Variants in GPR158 observed in about 807,000 individuals in gnomAD.
The protein encoded by GPR158 is metabotropic glycine receptor.
Under a neutral mutation model 78.2 loss-of-function variants are expected in GPR158, and 30 were observed. That is an observed-to-expected ratio of 0.38 (90% CI 0.29 to 0.52). The LOEUF (loss-of-function observed/expected upper bound fraction) is 0.52. GPR158 is among the 20% of genes least tolerant of loss of function. GPR158 has a pLI of 0.83. For synonymous variants in GPR158, 581 were observed against 591.1 expected (o/e 0.98, Z 0.25); for missense variants, 1,463 against 1,523.5 (o/e 0.96, Z 0.66).
intron 2 of GPR158, among the ~76,000 whole-genome samples, chr10:25,377,020 C>G (rs535031835): frequency 6.6e-6 from 1 of 151,526 alleles, no homozygotes; most frequent in Non-Finnish European, 1.5e-5. Context: ...GTGTTATTTT[C>G]TTTGTATTAA....
intron 2 of GPR158, among the ~76,000 whole-genome samples, chr10:25,288,734 A>C (rs77344681): frequency 0.012 from 1,832 of 152,282 alleles, 27 homozygotes; most frequent in South Asian, 0.058. Flanking sequence ...TTTCTATCAA[A>C]AGGCTTTTTC....
chr10:25,314,840 C>CACTGTCATATAT (rs60100862), intron 2 of GPR158, among the ~76,000 whole-genome samples: 1 of 124,174 alleles, frequency 8.1e-6, no homozygotes, highest in East Asian at 2.2e-4. Flanking sequence ...TACATATACA[C>CACTGTCATATAT]GTATATACAT....
intron 6 of GPR158, among the ~76,000 whole-genome samples, chr10:25,569,872 T>C (rs1836981478): frequency 6.6e-6 from 1 of 152,236 alleles, no homozygotes; most frequent in African/African-American, 2.4e-5. Context: ...AAAAAAATTA[T>C]ATCTTATACC....
chr10:25,211,016 C>T (rs945854723), intron 1 of GPR158, among the ~76,000 whole-genome samples: 10 of 152,092 alleles, frequency 6.6e-5, no homozygotes, highest in Admixed American at 2.0e-4. Flanking sequence ...CCTGTAGTCC[C>T]AGCTACTCGG....
At chr10:25,263,280 G>A (rs1490961333) in intron 2 of GPR158, among the ~76,000 whole-genome samples, 1 of 152,062 alleles carries the variant, frequency 6.6e-6, no homozygotes, top group Non-Finnish European at 1.5e-5. Flanking sequence ...ACCGTTTTTT[G>A]AAAAGCCTGC....
At chr10:25,536,572 G>C (rs1836503809) in intron 5 of GPR158, among the ~76,000 whole-genome samples, 1 of 152,096 alleles carries the variant, frequency 6.6e-6, no homozygotes, top group African/African-American at 2.4e-5. Context: ...GTAAATCATT[G>C]ATCATATTCA....
intron 2 of GPR158, among the ~76,000 whole-genome samples, chr10:25,290,349 A>G (rs1400844345): frequency 6.6e-6 from 1 of 152,154 alleles, no homozygotes; most frequent in African/African-American, 2.4e-5. Flanking sequence ...TTGCTTTCAG[A>G]GGTTAGTATT....
intron 2 of GPR158, among the ~76,000 whole-genome samples, chr10:25,261,741 C>T (rs1853971517): frequency 6.6e-6 from 1 of 152,106 alleles, no homozygotes; most frequent in South Asian, 2.1e-4. Flanking sequence ...GTAAAATGAT[C>T]TACGCTTTTA....
chr10:25,461,522 C>T (rs975165213), intron 4 of GPR158, among the ~76,000 whole-genome samples: 1 of 152,134 alleles, frequency 6.6e-6, no homozygotes, highest in Admixed American at 6.6e-5. Context: ...AAGTTAGAAG[C>T]TAGCAGTGGT....
intron 2 of GPR158, among the ~76,000 whole-genome samples, chr10:25,319,118 G>C (rs1854906916): frequency 6.6e-6 from 1 of 152,154 alleles, no homozygotes; most frequent in African/African-American, 2.4e-5. Flanking sequence ...TTGTGCACCA[G>C]GGTCTCTGGG....
At chr10:25,573,493 G>A (rs184396042) in intron 7 of GPR158, among the ~76,000 whole-genome samples, 18 of 152,346 alleles carry the variant, frequency 1.2e-4, no homozygotes, top group Non-Finnish European at 2.6e-4. Flanking sequence ...GAACTTTGAA[G>A]AGCTGCATCA....
intron 2 of GPR158, among the ~76,000 whole-genome samples, chr10:25,313,987 T>C (rs1854807847): frequency 6.6e-6 from 1 of 152,220 alleles, no homozygotes; most frequent in South Asian, 2.1e-4. Context: ...GCAATTTCTT[T>C]AAAACTTTCT....
Position 25,475,247 on chromosome 10 carries a change from T to C in GPR158, c.1404+8528T>C, listed in dbSNP as rs1382186887. Among the ~76,000 whole-genome samples the C allele has an allele frequency of 2.0e-5, 3 of 152,222 alleles. No homozygotes were observed. In the East Asian group the frequency reaches 5.8e-4, roughly 29 times the overall value. On this transcript the variant is annotated intron_variant, in intron 5 of 10. Coordinates refer to ENST00000376351, the MANE Select transcript of GPR158 (RefSeq NM_020752.3). ...AAAAAGACTGTGTACTTCATGATAA[T>C]TCTAATATGCTTGTAAGGAAAAAAA...
intron 2 of GPR158, among the ~76,000 whole-genome samples, chr10:25,324,198 C>T (rs188420956): frequency 1.6e-4 from 24 of 152,338 alleles, no homozygotes; most frequent in African/African-American, 3.8e-4. Context: ...CTGTTTCGCA[C>T]GAGAGGCCTG....
At chr10:25,470,975 A>G (rs1835491363) in intron 5 of GPR158, among the ~76,000 whole-genome samples, 1 of 151,786 alleles carries the variant, frequency 6.6e-6, no homozygotes, top group Admixed American at 6.6e-5. Flanking sequence ...AATTATTATT[A>G]TACTTTAAGT....
chr10:25,332,403 G>C (rs1346673540), intron 2 of GPR158, among the ~76,000 whole-genome samples: 1 of 152,050 alleles, frequency 6.6e-6, no homozygotes, highest in Non-Finnish European at 1.5e-5. Flanking sequence ...TGGTTTACTT[G>C]GAATAAAATC....
At chr10:25,558,268 C>T (rs189300915) in intron 6 of GPR158, among the ~76,000 whole-genome samples, 169 of 152,266 alleles carry the variant, frequency 1.1e-3, no homozygotes, top group African/African-American at 3.9e-3. Flanking sequence ...TTATAAAAAC[C>T]CATCTGGTAA....
chr10:25,186,016 A>C (rs1852679601), intron 1 of GPR158, among the ~76,000 whole-genome samples: 1 of 152,206 alleles, frequency 6.6e-6, no homozygotes. Context: ...AATTATAACA[A>C]AGTGTCTCTC....
intron 2 of GPR158, among the ~76,000 whole-genome samples, chr10:25,372,767 G>T (rs1353718738): frequency 6.6e-6 from 1 of 150,428 alleles, no homozygotes; most frequent in African/African-American, 2.4e-5. Context: ...TAGATGACGA[G>T]TTAGTGGGTG....
Sources: allele counts gnomAD v4.1 joint callset (sites outside exome capture counted in the v4.1 genomes callset), GRCh38; gene constraint gnomAD v4.1.1; transcripts MANE v1.5; gene names NCBI Gene and HGNC (gene_info 2026-07-23, HGNC 2026-07-21).